The following CEACAM5 variants were observed in gnomAD, a reference collection of about 807,000 sequenced individuals.
CEACAM5 encodes cell adhesion molecule CEACAM5.
A neutral mutation model predicts 63.0 loss-of-function variants in CEACAM5; 52 were observed. That is an observed-to-expected ratio of 0.83 (90% CI 0.66 to 1.04). The LOEUF (loss-of-function observed/expected upper bound fraction) is 1.04, where lower values mean the gene tolerates loss of function less well. CEACAM5 is among the 50% of genes least tolerant of loss of function. CEACAM5 has a pLI of 0.00. For synonymous variants in CEACAM5, 357 were observed against 351.3 expected (o/e 1.02, Z -0.18); for missense variants, 790 against 864.8 (o/e 0.91, Z 1.08).
At chr19:41,715,478 A>T in intron 3 of CEACAM5, 172 bp from the exon 4 acceptor site, 1 of 1,122,886 alleles carries the variant, frequency 8.9e-7, no homozygotes, top group Non-Finnish European at 1.3e-6. Context: ...ACACCCTATG[A>T]TGGGAGAAAC....
chr19:41,726,166 A>G (rs1445708460), intron 8 of CEACAM5, among the ~76,000 whole-genome samples: 3 of 152,244 alleles, frequency 2.0e-5, no homozygotes, highest in South Asian at 4.1e-4. Context: ...ATTAGCTGCT[A>G]TTATCACTAC....
Position 41,708,709 on chromosome 19 carries a change from G to A in CEACAM5, c.-23G>A. ...AACTCAAGCTCTTCTCCACAGAGGA[G>A]GACAGAGCAGACAGCAGAGACCATG... On this transcript the variant is annotated 5_prime_UTR_variant, in exon 1 of 10. Coordinates refer to ENST00000221992, the MANE Select transcript of CEACAM5 (RefSeq NM_004363.6). 6.2e-7 allele frequency: 1 copy of A among 1,605,292 alleles called. No homozygotes were observed. Among genetic ancestry groups the A allele is most frequent in the Non-Finnish European group, 8.5e-7 (1 of 1,175,128 alleles).
intron 2 of CEACAM5, among the ~76,000 whole-genome samples, chr19:41,714,621 T>A (rs2072489144): frequency 6.6e-6 from 1 of 152,182 alleles, no homozygotes; most frequent in African/African-American, 2.4e-5. Context: ...AGCACTTGAA[T>A]GTTCCAGGTG....
At chr19:41,716,436 G>C (rs782022723) in intron 4 of CEACAM5, among the ~76,000 whole-genome samples, 1 of 152,256 alleles carries the variant, frequency 6.6e-6, no homozygotes, top group Non-Finnish European at 1.5e-5. Context: ...TGGGAACGAG[G>C]TGTGTGGAGA....
Position 41,717,752 on chromosome 19 carries a change from T to A in CEACAM5, c.1237+19T>A, listed in dbSNP as rs2072551221. ...GTCCTCTGTGAGTATCTTCTGTTCC[T>A]CTGTGGCTCAGGCTGCCAGCCCAAA... On this transcript the variant is annotated intron_variant, in intron 5 of 9. Transcript: ENST00000221992. 13 of 1,610,414 alleles carry A rather than the reference T, an allele frequency of 8.1e-6. No individual in the cohort carries two copies. Among genetic ancestry groups the A allele is most frequent in the Non-Finnish European group, 1.1e-5 (13 of 1,177,332 alleles).
At chr19:41,724,375 T>G (rs1039279828) in intron 8 of CEACAM5, among the ~76,000 whole-genome samples, 2 of 152,264 alleles carry the variant, frequency 1.3e-5, no homozygotes, top group African/African-American at 2.4e-5. Context: ...ACTGTGGCTT[T>G]ATAGCAAATG....
intron 8 of CEACAM5, among the ~76,000 whole-genome samples, chr19:41,725,413 C>T (rs940550748): frequency 2.0e-5 from 3 of 150,590 alleles, no homozygotes; most frequent in Non-Finnish European, 4.4e-5. Flanking sequence ...TAGCCCAGCA[C>T]AAGCTAGAGT....
intron 6 of CEACAM5, 136 bp downstream of exon 6, chr19:41,718,518 A>G: frequency 2.3e-6 from 2 of 863,768 alleles, no homozygotes; most frequent in Non-Finnish European, 3.7e-6. Context: ...AATCCTGAGC[A>G]CTCCCAATTT....
chr19:41,718,657 G>A (rs1430578976), intron 6 of CEACAM5, among the ~76,000 whole-genome samples: 1 of 152,178 alleles, frequency 6.6e-6, no homozygotes, highest in African/African-American at 2.4e-5. Context: ...TTCACAGAGG[G>A]GGAAGCAAGA....
chr19:41,713,807 T>C (rs1555814409), intron 2 of CEACAM5, among the ~76,000 whole-genome samples: 1 of 152,228 alleles, frequency 6.6e-6, no homozygotes, highest in Non-Finnish European at 1.5e-5. Flanking sequence ...TTTCCAGCAG[T>C]TCATGCTCCC....
chr19:41,717,796 A>G, intron 5 of CEACAM5, 63 bp downstream of exon 5: 1 of 1,578,190 alleles, frequency 6.3e-7, no homozygotes, highest in Non-Finnish European at 8.7e-7. Flanking sequence ...GCCAAAGTCC[A>G]GGCCTCTCAG....
Position 41,717,623 on chromosome 19 carries a change from G to A in CEACAM5, c.1127G>A (p.Arg376Lys). 6.2e-7 allele frequency: 1 copy of A among 1,614,204 alleles called. No homozygotes were observed. Reference protein sequence around the residue: ...SPRLQLSNDNRTLTLLSVTRN... With the variant: ...SPRLQLSNDNKTLTLLSVTRN... ...AGGCTGCAGCTGTCCAATGACAACA[G>A]GACCCTCACTCTACTCAGTGTCACA... Residue 376 changes from arginine to lysine, a missense_variant, in exon 5 of 10, where the codon AGG (arginine) becomes AAG (lysine). Transcript: ENST00000221992.
At chr19:41,720,780 G>T in intron 7 of CEACAM5, 142 bp from the exon 8 acceptor site, 2 of 1,067,016 alleles carry the variant, frequency 1.9e-6, no homozygotes, top group South Asian at 3.0e-5. Context: ...GATTACAGGC[G>T]TGAGCCACCG....
rs1555815478 is a variant in CEACAM5 at position 41,718,376 on chromosome 19, G to C, written c.1486G>C (p.Val496Leu). ...HSRTTVKTITVSAELPKPSIS... is the reference protein window; with the variant it reads ...HSRTTVKTITLSAELPKPSIS... The stretch of plus-strand genomic sequence containing the variant: ...CAGGACTACAGTCAAGACAATCACA[G>C]TCTCTGGTAAGTGGATCCCTGGACC... The change falls in exon 6 of 10, where the codon GTC (valine) becomes CTC (leucine). Residue 496 changes from valine (V) to leucine (L), a missense_variant. By Grantham distance (32) the Val-to-Leu change is conservative. Coordinates refer to ENST00000221992, the MANE Select transcript of CEACAM5 (RefSeq NM_004363.6). 1 of 1,614,138 alleles carries C rather than the reference G, an allele frequency of 6.2e-7. No individual in the cohort carries two copies. Among genetic ancestry groups the C allele is most frequent in the Admixed American group, 1.7e-5 (1 of 60,024 alleles).
At chr19:41,721,223 T>C (rs1555816198) in intron 8 of CEACAM5, 47 bp downstream of exon 8, 1 of 1,598,818 alleles carries the variant, frequency 6.3e-7, no homozygotes. Context: ...GGGTGGAGTC[T>C]ATCTGGTTCT....
Position 41,714,875 on chromosome 19 carries a change from G to A in CEACAM5, c.425-96G>A, listed in dbSNP as rs2072494121. 11 of 1,579,992 alleles carry A rather than the reference G, an allele frequency of 7.0e-6. No individual in the cohort carries two copies. In the South Asian group the frequency reaches 1.2e-4, roughly 17 times the overall value. Reference sequence around the variant, plus strand: ...ACCGTGGGTTTTTAAGGGCTCAGGTGGGCTGAGAGGTGGAAGGTGCCAACT... The same window carrying A: ...ACCGTGGGTTTTTAAGGGCTCAGGTAGGCTGAGAGGTGGAAGGTGCCAACT... On this transcript the variant is annotated intron_variant, in intron 2 of 9. Coordinates refer to ENST00000221992, the MANE Select transcript of CEACAM5 (RefSeq NM_004363.6).
At chr19:41,714,820 T>C (rs2072492952) in intron 2 of CEACAM5, 151 bp from the exon 3 acceptor site, 2 of 1,396,688 alleles carry the variant, frequency 1.4e-6, no homozygotes, top group Admixed American at 4.4e-5. Flanking sequence ...TCTCAGATCA[T>C]CGTGCATCTG....
intron 9 of CEACAM5, among the ~76,000 whole-genome samples, chr19:41,728,688 G>A (rs1477140992): frequency 2.7e-5 from 4 of 150,414 alleles, no homozygotes; most frequent in African/African-American, 9.9e-5. Context: ...TCAGAAGGCT[G>A]AGGCAGGAGA....
intron 2 of CEACAM5, among the ~76,000 whole-genome samples, chr19:41,711,939 C>T (rs1453964967): frequency 2.0e-5 from 3 of 152,140 alleles, no homozygotes; most frequent in Non-Finnish European, 4.4e-5. Flanking sequence ...AGATGGAGCC[C>T]CTGCCAGGCT....
Sources: gnomAD v4.1 joint callset for allele counts (sites outside exome capture counted in the v4.1 genomes callset) on GRCh38, gnomAD v4.1.1 for gene constraint, MANE v1.5 for transcripts, NCBI Gene and HGNC (gene_info 2026-07-23, HGNC 2026-07-21) for gene names.